Variants in IFITM10 observed in about 807,000 individuals in gnomAD.
IFITM10 encodes the protein interferon-induced transmembrane protein 10.
In IFITM10, 17 loss-of-function variants were observed where a neutral mutation model predicts 19.0. That is an observed-to-expected ratio of 0.90 (90% CI 0.61 to 1.34). The LOEUF is 1.34. IFITM10 is among the 40% of genes most tolerant of loss of function. The probability of loss-of-function intolerance (pLI) is 0.00; values close to 1 mark genes in which losing one functional copy is unlikely to be tolerated. For missense variants in IFITM10, 306 were observed against 319.8 expected, an observed-to-expected ratio of 0.96 and a Z score of 0.33; for synonymous variants, 148 against 147.2, an observed-to-expected ratio of 1.01 and a Z score of -0.04.
rs1851049302 is a variant in IFITM10 at position 1,733,399 on chromosome 11, C to T, written c.*1881G>A. 2 of 152,326 alleles carry T rather than the reference C, an allele frequency of 1.3e-5. No individual in the cohort carries two copies. Among genetic ancestry groups the T allele is most frequent in the Admixed American group, 1.3e-4 (2 of 15,270 alleles). The allele number at this position is 152,326 out of a possible 1,614,324, so 9.4% of individuals were successfully genotyped here. A position where few individuals can be genotyped will look rare whatever the true frequency, so the allele number is the denominator to read the frequency against. ...CCATTTTGAGGTCACACACTCCCCTCCCCTCTTCCCTGAGCACCCCCTCCA... is the reference window on the plus strand; with the variant it reads ...CCATTTTGAGGTCACACACTCCCCTTCCCTCTTCCCTGAGCACCCCCTCCA... On this transcript the variant is annotated 3_prime_UTR_variant, in exon 3 of 3. Transcript: ENST00000340134. The surrounding 1 kb of genome is among the most constrained non-coding windows in gnomAD (Gnocchi z 6.3).
At chr11:1,740,978 G>C (rs2133643828) in intron 2 of IFITM10, among the ~76,000 whole-genome samples, 1 of 152,154 alleles carries the variant, frequency 6.6e-6, no homozygotes, top group South Asian at 2.1e-4. Flanking sequence ...CTCTTGCCAT[G>C]TGAGATGCCT....
chr11:1,744,045 G>A (rs918528572), intron 2 of IFITM10, among the ~76,000 whole-genome samples: 8 of 152,094 alleles, frequency 5.3e-5, no homozygotes, highest in African/African-American at 1.7e-4. Flanking sequence ...CATTTTCCCC[G>A]CCTGAAACAC....
chr11:1,747,922 C>T lies in IFITM10; in HGVS notation c.282G>A (p.Ser94=). Residue 94 remains serine (S), a synonymous_variant, in exon 2 of 3, where the codon TCG becomes TCA. Transcript: ENST00000340134. ...GTGTGGGCGCCATCGGGGGAGAGGCCGAGGGCTCAGGGGCAGGGGCCGCCG... is the reference window on the plus strand; with the variant it reads ...GTGTGGGCGCCATCGGGGGAGAGGCTGAGGGCTCAGGGGCAGGGGCCGCCG... ...QAPAAPAPEP[S]ASPPMAPTLF... is the part of the protein sequence containing the mutation. 1.3e-6 allele frequency: 2 copies of T among 1,488,602 alleles called. No homozygotes were observed. Among genetic ancestry groups the T allele is most frequent in the South Asian group, 2.7e-5 (2 of 74,460 alleles). 92.2% of individuals were successfully genotyped at this position (1,488,602 alleles called of 1,614,324 possible). A position where few individuals can be genotyped will look rare whatever the true frequency, so the allele number is the denominator to read the frequency against.
intron 2 of IFITM10, among the ~76,000 whole-genome samples, chr11:1,742,894 G>A (rs763210744): frequency 1.4e-4 from 22 of 152,294 alleles, no homozygotes; most frequent in Non-Finnish European, 2.8e-4. Context: ...ATGATGGATG[G>A]ATGGATGGAC....
intron 2 of IFITM10, chr11:1,744,621 C>T (rs1171765222): frequency 4.0e-5 from 6 of 148,260 alleles, no homozygotes; most frequent in East Asian, 1.9e-4. Flanking sequence ...TGCGTTGAGC[C>T]GAATTGGCCC....
At chr11:1,741,596 T>C (rs780733879) in intron 2 of IFITM10, among the ~76,000 whole-genome samples, 1 of 151,900 alleles carries the variant, frequency 6.6e-6, no homozygotes, top group African/African-American at 2.4e-5. Context: ...TATTGATGGA[T>C]GACAGATGGG....
At chr11:1,745,969 C>G (rs1845640496) in intron 2 of IFITM10, 2 of 152,102 alleles carry the variant, frequency 1.3e-5, no homozygotes, top group South Asian at 4.1e-4. Context: ...CATGCACACT[C>G]ATGTGTGATT....
At chr11:1,737,542 C>T (rs1007675759) in intron 2 of IFITM10, among the ~76,000 whole-genome samples, 14 of 152,290 alleles carry the variant, frequency 9.2e-5, no homozygotes, top group Middle Eastern at 3.4e-3. Context: ...ATGACGACAG[C>T]GCTGCCTCCC....
chr11:1,735,240 C>T lies in IFITM10; in HGVS notation c.*40G>A. 2.6e-6 allele frequency: 4 copies of T among 1,547,054 alleles called. No individual in the cohort carries two copies. Among genetic ancestry groups the T allele is most frequent in the Non-Finnish European group, 3.5e-6 (4 of 1,143,570 alleles). ...TCAGGGACCATGAGAATAAACATGT[C>T]TCAGTGCTTGTCTCCGCCAGCAGCC... On this transcript the variant is annotated 3_prime_UTR_variant, in exon 3 of 3. Coordinates refer to ENST00000340134, the MANE Select transcript of IFITM10 (RefSeq NM_001170820.4).
At chr11:1,739,449 C>G (rs1851122192) in intron 2 of IFITM10, among the ~76,000 whole-genome samples, 1 of 152,196 alleles carries the variant, frequency 6.6e-6, no homozygotes, top group African/African-American at 2.4e-5. Context: ...AGTTGCTGTT[C>G]TAGGTCCTGC....
intron 2 of IFITM10, among the ~76,000 whole-genome samples, chr11:1,737,793 C>T (rs549278834): frequency 6.6e-6 from 1 of 152,302 alleles, no homozygotes; most frequent in East Asian, 1.9e-4. Context: ...TTGTTTCCTT[C>T]TCTAATTCAT....
chr11:1,748,237 G>T, intron 1 of IFITM10, 118 bp from the exon 2 acceptor site: 1 of 814,794 alleles, frequency 1.2e-6, no homozygotes, highest in Non-Finnish European at 1.7e-6. Context: ...GGGGCCGCCA[G>T]CTGCCAGCCT....
chr11:1,735,139 G>A lies in IFITM10; in HGVS notation c.*141C>T, dbSNP rs1377291402. ...GCTGTACTCAGCTTCTGATGGCCTT[G>A]CTGCCCAGTTCACAGCTCAAGGGGG... On this transcript the variant is annotated 3_prime_UTR_variant, in exon 3 of 3. Transcript: ENST00000340134. 2.2e-5 allele frequency: 18 copies of A among 822,388 alleles called. No homozygotes were observed. Among genetic ancestry groups the A allele is most frequent in the Non-Finnish European group, 3.4e-5 (18 of 534,926 alleles). The allele number at this position is 822,388 out of a possible 1,614,324, so 50.9% of individuals were successfully genotyped here.
At position 1,748,081 on chromosome 11, in the gene IFITM10, G is replaced by A. The variant is rs1278262543; in HGVS notation, c.123C>T (p.Asp41=). 7.1e-7 allele frequency: 1 copy of A among 1,413,072 alleles called. No individual in the cohort carries two copies. The highest frequency in any genetic ancestry group is 9.2e-7 in the Non-Finnish European group (1 of 1,090,674). 87.5% of individuals were successfully genotyped at this position (1,413,072 alleles called of 1,614,324 possible). A position where few individuals can be genotyped will look rare whatever the true frequency, so the allele number is the denominator to read the frequency against. The change falls in exon 2 of 3, where the codon GAC becomes GAT. Residue 41 remains aspartate, a synonymous_variant. Transcript: ENST00000340134. ...GGGCGCCGTCCGTGGTGCTGGCCGG[G>A]TCTCCCAGCGGGGCTGGGCACTGGC... ...GPGQCPAPLG[D]PASTTDGAQE... is the part of the protein sequence containing the mutation.
chr11:1,745,755 GCA>G (rs1230749626), intron 2 of IFITM10: 3 of 150,474 alleles, frequency 2.0e-5, no homozygotes, highest in African/African-American at 7.5e-5. Flanking sequence ...CACGTGCCAT[GCA>G]CACTCGTGCG....
chr11:1,748,884 G>C (rs2133651957), intron 1 of IFITM10: 1 of 205,884 alleles, frequency 4.9e-6, no homozygotes, highest in East Asian at 1.9e-4. Flanking sequence ...GAGGCACCAA[G>C]TCGCTCGCGC....
In IFITM10 at chr11:1,746,597, G is replaced by A. The variant is rs568033252; in HGVS notation, c.537+1070C>T. The A allele has an allele frequency of 7.2e-4, 288 of 398,650 alleles. 1 individual carries two copies. The highest frequency in any genetic ancestry group is 5.5e-3 in the African/African-American group (268 of 48,766). The allele number at this position is 398,650 out of a possible 1,614,324, so 24.7% of individuals were successfully genotyped here. On this transcript the variant is annotated intron_variant, in intron 2 of 2. Transcript: ENST00000340134. ...CAATCATGATGAGTCAGGAGCAGGA[G>A]GGGAACGCCGACCGCAGTTGCGATG...
Position 1,749,748 on chromosome 11 carries a change from C to T in IFITM10, c.84+611G>A, listed in dbSNP as rs940773645. On this transcript the variant is annotated intron_variant, in intron 1 of 2. Transcript: ENST00000340134. ...CAAGTCCACAAGGCCCCCAAGACCA[C>T]CCTCCAGTCCCTTCCCTCCTTAGCC... Among the ~76,000 whole-genome samples the T allele has an allele frequency of 2.0e-5, 3 of 152,142 alleles. No homozygotes were observed. In the East Asian group the frequency reaches 5.8e-4, roughly 30 times the overall value.
rs1227585649 is a variant in IFITM10, at chr11:1,750,397, C to T, written c.46G>A (p.Gly16Arg). The change falls in exon 1 of 3, where the codon GGG becomes AGG. Residue 16 changes from glycine (G) to arginine (R), a missense_variant. By Grantham distance (125) the Gly-to-Arg change is moderately radical. Coordinates refer to ENST00000340134, the MANE Select transcript of IFITM10 (RefSeq NM_001170820.4). Reference sequence around the variant, plus strand: ...TGAGCCTCGACCCTCTCCAAAGTCCCCCGGAAGCTGAGGATGCATGGCGGC... The same window carrying T: ...TGAGCCTCGACCCTCTCCAAAGTCCTCCGGAAGCTGAGGATGCATGGCGGC... ...RGPPCILSFR[G>R]TLERVEAQWE... The T allele has an allele frequency of 6.4e-7, 1 of 1,550,536 alleles. No individual in the cohort carries two copies. Among genetic ancestry groups the T allele is most frequent in the African/African-American group, 1.4e-5 (1 of 73,122 alleles).
Sources: gnomAD v4.1 joint callset for allele counts (sites outside exome capture counted in the v4.1 genomes callset) on GRCh38, gnomAD v4.1.1 for gene constraint, Gnocchi (gnomAD v3.1) non-coding constraint, MANE v1.5 for transcripts, NCBI Gene and HGNC (gene_info 2026-07-23, HGNC 2026-07-21) for gene names.